Variants in PTPRA observed in about 807,000 individuals in gnomAD.
PTPRA encodes the protein receptor-type tyrosine-protein phosphatase alpha.
A neutral mutation model predicts 104.8 loss-of-function variants in PTPRA; 25 were observed. The observed-to-expected ratio is 0.24, with a 90% CI of 0.17 to 0.33. The LOEUF is 0.33. PTPRA is among the 10% of genes least tolerant of loss of function. The probability of loss-of-function intolerance (pLI) is 1.00; values close to 1 mark genes in which losing one functional copy is unlikely to be tolerated. For synonymous variants in PTPRA, 323 were observed against 368.9 expected, an observed-to-expected ratio of 0.88 and a Z score of 1.43; for missense variants, 765 against 1,015.3, an observed-to-expected ratio of 0.75 and a Z score of 3.35.
intron 1 of PTPRA, among the ~76,000 whole-genome samples, chr20:2,897,906 C>CTTTTTTTT (rs34328077): frequency 1.3e-4 from 11 of 83,706 alleles, no homozygotes; most frequent in Non-Finnish European, 2.0e-4. Flanking sequence ...CCTCATCATT[C>CTTTTTTTT]TTTTTTTTTT....
intron 2 of PTPRA, among the ~76,000 whole-genome samples, chr20:2,924,520 TTGAG>T (rs1182252238): frequency 2.6e-5 from 4 of 151,746 alleles, no homozygotes; most frequent in African/African-American, 9.7e-5. Flanking sequence ...AGATAAAAGG[TTGAG>T]TGAAAGAAAC....
chr20:3,002,876 C>A (rs1220565418), intron 9 of PTPRA, among the ~76,000 whole-genome samples: 1 of 152,204 alleles, frequency 6.6e-6, no homozygotes, highest in Non-Finnish European at 1.5e-5. Flanking sequence ...CCAGGCTCAT[C>A]TCTTCCTACT....
At position 2,988,219 on chromosome 20, in the gene PTPRA, T is replaced by C. The variant is rs1204208090; in HGVS notation, c.601+114T>C. 1.1e-5 allele frequency: 17 copies of C among 1,523,442 alleles called. 1 individual carries two copies. The highest frequency in any genetic ancestry group is 1.9e-4 in the Middle Eastern group (1 of 5,246). 94.4% of individuals were successfully genotyped at this position (1,523,442 alleles called of 1,614,324 possible). ...CAATAAAAAGAGGAAAAAAGATTTT[T>C]GAAGAAAACAGTCCTAGTTCTTACA... On this transcript the variant is annotated intron_variant, in intron 8 of 23. Transcript: ENST00000399903.
chr20:2,964,390 T>C (rs775200324), intron 4 of PTPRA, 40 bp downstream of exon 4: 2 of 1,506,596 alleles, frequency 1.3e-6, no homozygotes, highest in East Asian at 4.6e-5. Flanking sequence ...TGAAATGAAA[T>C]TTTGCTTTCA....
In PTPRA at chr20:2,955,622, G is replaced by A. The variant is rs545608150; in HGVS notation, c.-7+7598G>A. 3.0e-6 allele frequency: 3 copies of A among 985,196 alleles called. No individual in the cohort carries two copies. The South Asian group carries it at 1.4e-4, about 46-fold the overall frequency. 61.0% of individuals were successfully genotyped at this position (985,196 alleles called of 1,614,324 possible). A position where few individuals can be genotyped will look rare whatever the true frequency, so the allele number is the denominator to read the frequency against. On this transcript the variant is annotated intron_variant, in intron 3 of 23. Coordinates refer to ENST00000399903, the MANE Select transcript of PTPRA (RefSeq NM_001385305.1). The stretch of plus-strand genomic sequence containing the variant: ...CTGGTGTTCTAGGACTTCTTCAGAA[G>A]CTTGCCAGTTTTTCAAGCTGATTTC...
At chr20:2,866,917 T>C in the PTPRA span, among the ~76,000 whole-genome samples, 476 of 152,274 alleles carry the variant, frequency 3.1e-3, 2 homozygotes, top group Middle Eastern at 0.014. Flanking sequence ...ATCTCACAGC[T>C]CCTAGGAAGA....
intron 1 of PTPRA, among the ~76,000 whole-genome samples, chr20:2,920,705 G>A (rs1214566474): frequency 1.3e-5 from 2 of 152,040 alleles, no homozygotes; most frequent in African/African-American, 4.8e-5. Flanking sequence ...TAGAGGCCAG[G>A]TGAGGGTGTA....
intron 2 of PTPRA, among the ~76,000 whole-genome samples, chr20:2,928,081 C>T (rs369827945): frequency 6.6e-6 from 1 of 152,130 alleles, no homozygotes; most frequent in South Asian, 2.1e-4. Flanking sequence ...AGAAAAGGTA[C>T]CTGGCAGATA....
the PTPRA span, chr20:2,866,512 G>C: frequency 6.2e-7 from 1 of 1,614,222 alleles, no homozygotes; most frequent in Non-Finnish European, 8.5e-7. Flanking sequence ...CTGCACGGGA[G>C]CCACAGATGG....
chr20:2,888,746 A>G (rs2058690510), intron 1 of PTPRA, among the ~76,000 whole-genome samples: 1 of 152,166 alleles, frequency 6.6e-6, no homozygotes, highest in African/African-American at 2.4e-5. Flanking sequence ...AGGCATCCAC[A>G]AGTACTATGA....
chr20:2,896,760 A>G (rs763824680), intron 1 of PTPRA, among the ~76,000 whole-genome samples: 1 of 152,216 alleles, frequency 6.6e-6, no homozygotes, highest in Non-Finnish European at 1.5e-5. Context: ...ACAAAACAAC[A>G]GAAACCAACA....
chr20:2,998,098 A>G (rs1377699550), intron 9 of PTPRA, among the ~76,000 whole-genome samples: 1 of 150,870 alleles, frequency 6.6e-6, no homozygotes, highest in Non-Finnish European at 1.5e-5. Flanking sequence ...AACTTTATAG[A>G]GCTGCAGGAG....
chr20:2,922,402 C>T (rs564731074), intron 1 of PTPRA, among the ~76,000 whole-genome samples: 6 of 152,284 alleles, frequency 3.9e-5, no homozygotes, highest in African/African-American at 7.2e-5. Context: ...TACACTGTCA[C>T]GATCTCGGCT....
intron 3 of PTPRA, among the ~76,000 whole-genome samples, chr20:2,963,516 C>T (rs1403291834): frequency 6.6e-6 from 1 of 151,810 alleles, no homozygotes; most frequent in Non-Finnish European, 1.5e-5. Context: ...ATTGCTTGAA[C>T]CCGGGAGGCG....
intron 6 of PTPRA, among the ~76,000 whole-genome samples, chr20:2,980,032 C>G (rs1259146850): frequency 1.3e-5 from 2 of 152,128 alleles, no homozygotes; most frequent in Non-Finnish European, 1.5e-5. Flanking sequence ...CCTGCCTCAG[C>G]CCCCAGAGTA....
At chr20:3,001,426 A>G (rs1244345834) in intron 9 of PTPRA, among the ~76,000 whole-genome samples, 1 of 152,158 alleles carries the variant, frequency 6.6e-6, no homozygotes. Context: ...AGTCTTTGTT[A>G]TTCCTGACAT....
intron 2 of PTPRA, among the ~76,000 whole-genome samples, chr20:2,936,639 T>C (rs1022746784): frequency 2.6e-5 from 4 of 151,834 alleles, no homozygotes; most frequent in African/African-American, 9.7e-5. Flanking sequence ...TTTTGTTTTG[T>C]TTGGGGTTTT....
At chr20:2,892,306 AAAAAG>A (rs1366371004) in intron 1 of PTPRA, among the ~76,000 whole-genome samples, 5 of 151,808 alleles carry the variant, frequency 3.3e-5, no homozygotes, top group Non-Finnish European at 5.9e-5. Flanking sequence ...AAAAAAAAAA[AAAAAG>A]AAGAGAGGGC....
intron 5 of PTPRA, among the ~76,000 whole-genome samples, chr20:2,969,978 T>TAAAAAATAAATAAATAAATAAATA (rs1555807324): frequency 2.7e-5 from 4 of 149,990 alleles, no homozygotes; most frequent in African/African-American, 9.8e-5. Flanking sequence ...TCTAAATAAA[T>TAAAAAATAAATAAATAAATAAATA]AATAAATAAA....
Sources: allele counts gnomAD v4.1 joint callset (sites outside exome capture counted in the v4.1 genomes callset), GRCh38; gene constraint gnomAD v4.1.1; transcripts MANE v1.5; gene names NCBI Gene and HGNC (gene_info 2026-07-23, HGNC 2026-07-21).